XXYLT1: variants seen among roughly 807,000 people sequenced by gnomAD.
XXYLT1 encodes xyloside xylosyltransferase 1.
Under a neutral mutation model 28.9 loss-of-function variants are expected in XXYLT1, and 20 were observed. That is an observed-to-expected ratio of 0.69 (90% CI 0.49 to 1.00). The LOEUF (loss-of-function observed/expected upper bound fraction) is 1.00, where lower values mean the gene tolerates loss of function less well. XXYLT1 is among the 50% of genes least tolerant of loss of function. The pLI is 0.00. For synonymous variants in XXYLT1, 257 were observed against 253.8 expected, an observed-to-expected ratio of 1.01 and a Z score of -0.12; for missense variants, 542 against 560.1, an observed-to-expected ratio of 0.97 and a Z score of 0.33.
intron 3 of XXYLT1, among the ~76,000 whole-genome samples, chr3:195,127,715 T>G: frequency 6.6e-6 from 1 of 152,124 alleles, no homozygotes; most frequent in East Asian, 1.9e-4. Context: ...AGGTTGAGGC[T>G]GCAGTAAGCC....
At chr3:195,112,673 A>G (rs7618901) in intron 3 of XXYLT1, among the ~76,000 whole-genome samples, 20,256 of 150,074 alleles carry the variant, frequency 0.13, 1,377 homozygotes, top group East Asian at 0.26. Flanking sequence ...GGTGGTGGGA[A>G]TAGTTGGATG....
chr3:195,180,237 C>T lies in XXYLT1; in HGVS notation c.653-23656G>A. The T allele has an allele frequency of 1.2e-6, 1 of 862,212 alleles. No individual in the cohort carries two copies. Among genetic ancestry groups the T allele is most frequent in the Non-Finnish European group, 1.4e-6 (1 of 717,754 alleles). The allele number at this position is 862,212 out of a possible 1,614,324, so 53.4% of individuals were successfully genotyped here. ...CTAACGCCAGATCCCCGTCTCTGCA[C>T]TGACACCGGGGGTGGTGAGTGGCAC... On this transcript the variant is annotated intron_variant, in intron 2 of 3. Transcript: ENST00000310380. This position sits in a 1 kb window ranked among gnomAD's most constrained non-coding sequence, Gnocchi z 5.8.
chr3:195,098,534 CAGAG>C (rs1000491106), intron 3 of XXYLT1, among the ~76,000 whole-genome samples: 15 of 152,248 alleles, frequency 9.9e-5, no homozygotes, highest in South Asian at 2.1e-4. Context: ...GCCTGGGAGA[CAGAG>C]AGAGAGACTG....
At chr3:195,237,025 T>C (rs1481629426) in intron 1 of XXYLT1, among the ~76,000 whole-genome samples, 1 of 152,122 alleles carries the variant, frequency 6.6e-6, no homozygotes, top group Non-Finnish European at 1.5e-5. Flanking sequence ...GGGGTCTCTT[T>C]TGGAGCTGTG....
intron 2 of XXYLT1, among the ~76,000 whole-genome samples, chr3:195,198,893 C>A (rs2108761625): frequency 6.6e-6 from 1 of 152,274 alleles, no homozygotes; most frequent in African/African-American, 2.4e-5. Context: ...GAAACGCAGA[C>A]AAGAGTGGCA....
intron 2 of XXYLT1, among the ~76,000 whole-genome samples, chr3:195,185,085 A>AGAAAGGAAGGAAGGAAGGAAGGAAG (rs1434255998): frequency 3.0e-5 from 3 of 100,938 alleles, no homozygotes; most frequent in Admixed American, 1.1e-4. Flanking sequence ...GAAAGAAGGA[A>AGAAAGGAAGGAAGGAAGGAAGGAAG]GAAGGAAGGA....
At chr3:195,108,082 G>A (rs780428454) in intron 3 of XXYLT1, among the ~76,000 whole-genome samples, 42 of 152,326 alleles carry the variant, frequency 2.8e-4, no homozygotes, top group Non-Finnish European at 5.1e-4. Flanking sequence ...CCCCATAGGG[G>A]GGTCTGGCCT....
rs1442356489 is a variant in XXYLT1, at chr3:195,134,856, TGTGTGTGTGTGTGC to T, written c.785+21579_785+21592del. On this transcript the variant is annotated intron_variant, in intron 3 of 3. Coordinates refer to ENST00000310380, the MANE Select transcript of XXYLT1 (RefSeq NM_152531.5). ...GTGTGTGTGTGTGTGTGTGTGTGTGTGTGTGTGTGTGTGCGTGTGCGCGCGTGCGCGCACGTGCA... is the reference window on the plus strand; with the variant it reads ...GTGTGTGTGTGTGTGTGTGTGTGTGTGTGTGCGCGCGTGCGCGCACGTGCA... 1.6e-4 allele frequency among the ~76,000 whole-genome samples: 21 copies of T among 128,172 alleles called. 1 individual carries two copies. In the East Asian group the frequency reaches 5.7e-3, roughly 35 times the overall value. The allele number at this position is 128,172 out of a possible 152,430, so 84.1% of individuals were successfully genotyped here.
At chr3:195,156,802 T>C (rs1446500340) in intron 2 of XXYLT1, among the ~76,000 whole-genome samples, 2 of 152,218 alleles carry the variant, frequency 1.3e-5, no homozygotes, top group Admixed American at 6.5e-5. Context: ...TTCTTCCAAC[T>C]GCAGACATCC....
intron 3 of XXYLT1, 83 bp downstream of exon 3, chr3:195,156,366 C>G (rs1328119882): frequency 6.4e-7 from 1 of 1,559,146 alleles, no homozygotes; most frequent in African/African-American, 1.4e-5. Flanking sequence ...CCACTAAATC[C>G]CAATCTGTCA....
At chr3:195,088,282 CCTGT>C (rs557313968) in intron 3 of XXYLT1, among the ~76,000 whole-genome samples, 4,696 of 150,064 alleles carry the variant, frequency 0.031, 100 homozygotes, top group Admixed American at 0.046. Flanking sequence ...CTTAAAGGTC[CCTGT>C]CTGACAGCTT....
At chr3:195,082,395 C>T (rs936768270) in intron 3 of XXYLT1, among the ~76,000 whole-genome samples, 1 of 152,228 alleles carries the variant, frequency 6.6e-6, no homozygotes, top group African/African-American at 2.4e-5. Flanking sequence ...TTCTCTCTCC[C>T]TCTGGTGCTA....
At chr3:195,155,223 C>T (rs1347790910) in intron 3 of XXYLT1, among the ~76,000 whole-genome samples, 2 of 152,234 alleles carry the variant, frequency 1.3e-5, no homozygotes, top group East Asian at 1.9e-4. Context: ...TGCCTCTTCA[C>T]CCCCTCTTTC....
intron 2 of XXYLT1, among the ~76,000 whole-genome samples, chr3:195,178,608 G>A (rs1437991199): frequency 6.6e-6 from 1 of 152,206 alleles, no homozygotes; most frequent in African/African-American, 2.4e-5. Context: ...GCAGGGAGCT[G>A]AGAATAGCCC....
chr3:195,079,386 T>C (rs1715301410), intron 3 of XXYLT1, among the ~76,000 whole-genome samples: 1 of 152,086 alleles, frequency 6.6e-6, no homozygotes, highest in East Asian at 1.9e-4. Context: ...GGGAAAGGGA[T>C]GCATACATGA....
intron 3 of XXYLT1, among the ~76,000 whole-genome samples, chr3:195,083,194 G>C (rs1213553748): frequency 6.6e-6 from 1 of 152,156 alleles, no homozygotes; most frequent in East Asian, 1.9e-4. Flanking sequence ...CGCATCTGAA[G>C]GGGTCAGTGA....
chr3:195,070,248 C>T, intron 3 of XXYLT1, 137 bp from the exon 4 acceptor site: 3 of 1,189,950 alleles, frequency 2.5e-6, no homozygotes, highest in Non-Finnish European at 3.4e-6. Flanking sequence ...ACTACACCAG[C>T]AAGTGGCAGA....
At chr3:195,208,992 C>A (rs145767451) in intron 2 of XXYLT1, among the ~76,000 whole-genome samples, 51 of 152,300 alleles carry the variant, frequency 3.3e-4, no homozygotes, top group African/African-American at 1.2e-3. Flanking sequence ...CTATGACAAA[C>A]CTTATTATGT....
intron 2 of XXYLT1, among the ~76,000 whole-genome samples, chr3:195,158,242 G>A (rs1286167380): frequency 6.6e-6 from 1 of 152,170 alleles, no homozygotes; most frequent in Non-Finnish European, 1.5e-5. Context: ...CCCTGCAGGA[G>A]TCATGGCTTC....
Sources: allele counts gnomAD v4.1 joint callset (sites outside exome capture counted in the v4.1 genomes callset), GRCh38; gene constraint gnomAD v4.1.1; non-coding constraint Gnocchi (gnomAD v3.1); transcripts MANE v1.5; gene names NCBI Gene and HGNC (gene_info 2026-07-23, HGNC 2026-07-21).